Variants in CCDC141 observed in about 807,000 individuals in gnomAD.
The protein encoded by CCDC141 is coiled-coil domain containing 141, also known as coiled-coil domain-containing protein 141.
CCDC141 carries 168 observed loss-of-function variants against 181.0 expected under a neutral mutation model. That is an observed-to-expected ratio of 0.93 (90% CI 0.82 to 1.05). The LOEUF (loss-of-function observed/expected upper bound fraction) is 1.05, where lower values mean the gene tolerates loss of function less well. CCDC141 is among the 50% of genes least tolerant of loss of function. The pLI is 0.00. For synonymous variants in CCDC141, 666 were observed against 642.3 expected (o/e 1.04, Z -0.56); for missense variants, 1,902 against 1,788.5 (o/e 1.06, Z -1.14).
chr2:178,958,341 T>C (rs1009482330), intron 5 of CCDC141, among the ~76,000 whole-genome samples: 2 of 152,032 alleles, frequency 1.3e-5, no homozygotes, highest in African/African-American at 2.4e-5. Context: ...TGTAGGTCCA[T>C]TGATTGTAAA....
At chr2:179,043,974 C>A (rs1253294955) in intron 2 of CCDC141, among the ~76,000 whole-genome samples, 1 of 152,180 alleles carries the variant, frequency 6.6e-6, no homozygotes, top group African/African-American at 2.4e-5. Context: ...GATACAAAAT[C>A]AACGTGCAAA....
At chr2:178,929,745 C>A (rs1689031194) in intron 6 of CCDC141, among the ~76,000 whole-genome samples, 1 of 152,134 alleles carries the variant, frequency 6.6e-6, no homozygotes, top group Admixed American at 6.5e-5. Flanking sequence ...GACTCTATCA[C>A]TTACACTCTC....
rs981221127 is a variant in CCDC141, at chr2:178,832,851, A to G, written c.*1322T>C. 6.6e-6 allele frequency: 1 copy of G among 152,182 alleles called. No homozygotes were observed. The highest frequency in any genetic ancestry group is 1.5e-5 in the Non-Finnish European group (1 of 68,022). 9.4% of individuals were successfully genotyped at this position (152,182 alleles called of 1,614,324 possible). On this transcript the variant is annotated 3_prime_UTR_variant, in exon 24 of 24. Transcript: ENST00000443758. Reference sequence around the variant, plus strand: ...ACTACATTTAAAATCTAAGAAGCAAATGCTTCCCTACTTCAAGCTTATTTT... The same window carrying G: ...ACTACATTTAAAATCTAAGAAGCAAGTGCTTCCCTACTTCAAGCTTATTTT...
chr2:179,041,938 G>A (rs1166254736), intron 2 of CCDC141, among the ~76,000 whole-genome samples: 1 of 152,142 alleles, frequency 6.6e-6, no homozygotes, highest in Non-Finnish European at 1.5e-5. Flanking sequence ...CCTTCAAAGA[G>A]ACTTAGATCC....
At chr2:179,003,944 T>C (rs2042053805) in intron 2 of CCDC141, among the ~76,000 whole-genome samples, 1 of 152,306 alleles carries the variant, frequency 6.6e-6, no homozygotes, top group Admixed American at 6.5e-5. Context: ...AAATGATTTA[T>C]TTTTTGTATA....
At chr2:178,933,521 A>G (rs560627084) in intron 6 of CCDC141, among the ~76,000 whole-genome samples, 3 of 152,182 alleles carry the variant, frequency 2.0e-5, no homozygotes, top group Non-Finnish European at 4.4e-5. Flanking sequence ...TAACAAGGCT[A>G]TAAGTTTCCT....
intron 17 of CCDC141, among the ~76,000 whole-genome samples, chr2:178,856,722 C>A (rs1373748637): frequency 6.6e-6 from 1 of 152,052 alleles, no homozygotes; most frequent in Non-Finnish European, 1.5e-5. Context: ...GTAGCTAGGA[C>A]TGCAGATGTG....
At chr2:178,953,221 T>C (rs1401212525) in intron 5 of CCDC141, among the ~76,000 whole-genome samples, 1 of 152,070 alleles carries the variant, frequency 6.6e-6, no homozygotes, top group Non-Finnish European at 1.5e-5. Flanking sequence ...CGGATCACAA[T>C]GTCAGAAGAT....
chr2:178,981,318 CAT>C (rs1357862336), intron 2 of CCDC141, among the ~76,000 whole-genome samples: 1 of 151,894 alleles, frequency 6.6e-6, no homozygotes, highest in African/African-American at 2.4e-5. Flanking sequence ...TTACATGGAA[CAT>C]ACATCAAGAT....
chr2:178,867,960 C>T, intron 16 of CCDC141, 66 bp downstream of exon 16: 1 of 1,324,466 alleles, frequency 7.6e-7, no homozygotes, highest in Non-Finnish European at 1.0e-6. Context: ...TGCCTGGTTT[C>T]TTTCATATGC....
chr2:178,907,993 C>T (rs191944378), intron 7 of CCDC141, among the ~76,000 whole-genome samples: 197 of 151,190 alleles, frequency 1.3e-3, no homozygotes, highest in African/African-American at 4.4e-3. Flanking sequence ...GAGTGAAACT[C>T]CGTCTCAAAA....
At chr2:178,822,863 A>G in the CCDC141 span, among the ~76,000 whole-genome samples, 1 of 152,260 alleles carries the variant, frequency 6.6e-6, no homozygotes, top group Middle Eastern at 3.2e-3. Context: ...CCAGTGTCAT[A>G]TAATTTAAAT....
chr2:178,873,098 TG>T (rs1336358127), intron 12 of CCDC141: 1 of 152,208 alleles, frequency 6.6e-6, no homozygotes, highest in Non-Finnish European at 1.5e-5. Flanking sequence ...ACAATTCTTA[TG>T]TTTTTTACTT....
At chr2:178,873,604 A>C (rs1318616594) in intron 12 of CCDC141, 1 of 152,194 alleles carries the variant, frequency 6.6e-6, no homozygotes, top group East Asian at 1.9e-4. Flanking sequence ...GGTCTAGAGA[A>C]AGGAGAGCTA....
the CCDC141 span, among the ~76,000 whole-genome samples, chr2:178,817,011 A>G: frequency 0.012 from 1,848 of 152,290 alleles, 34 homozygotes; most frequent in African/African-American, 0.042. Context: ...TTTCTAATGT[A>G]CTTATAATTT....
chr2:178,906,360 A>C (rs1687970305), intron 7 of CCDC141, among the ~76,000 whole-genome samples: 1 of 152,196 alleles, frequency 6.6e-6, no homozygotes, highest in African/African-American at 2.4e-5. Flanking sequence ...ATGAAAGAAT[A>C]CTGTGGGTAT....
intron 20 of CCDC141, among the ~76,000 whole-genome samples, chr2:178,850,768 C>A (rs565039452): frequency 2.6e-5 from 4 of 152,282 alleles, no homozygotes; most frequent in South Asian, 2.1e-4. Flanking sequence ...GGGTTTCTCT[C>A]TATATATTGT....
At chr2:178,996,858 C>A (rs1692312279) in intron 2 of CCDC141, among the ~76,000 whole-genome samples, 2 of 152,196 alleles carry the variant, frequency 1.3e-5, no homozygotes, top group Non-Finnish European at 2.9e-5. Flanking sequence ...CTTTGGGAAT[C>A]TGTAGAAAAC....
chr2:178,965,493 G>A (rs1427672408), intron 4 of CCDC141, among the ~76,000 whole-genome samples: 1 of 152,138 alleles, frequency 6.6e-6, no homozygotes, highest in Non-Finnish European at 1.5e-5. Flanking sequence ...AGCAGGATGG[G>A]GCGTCACCTC....
Sources: allele counts gnomAD v4.1 joint callset (sites outside exome capture counted in the v4.1 genomes callset), GRCh38; gene constraint gnomAD v4.1.1; transcripts MANE v1.5; gene names NCBI Gene and HGNC (gene_info 2026-07-23, HGNC 2026-07-21).